Variants in MEF2A observed in about 807,000 individuals in gnomAD.
MEF2A encodes the protein myocyte enhancer factor 2A, also known as myocyte-specific enhancer factor 2A.
Under a neutral mutation model 55.8 loss-of-function variants are expected in MEF2A, and 28 were observed. That is an observed-to-expected ratio of 0.50 (90% CI 0.37 to 0.69). The LOEUF (loss-of-function observed/expected upper bound fraction) is 0.69, where lower values mean the gene tolerates loss of function less well. Ranked by LOEUF, MEF2A falls within the 30% of genes least tolerant of loss-of-function variation. The probability of loss-of-function intolerance (pLI) is 0.00; values close to 1 mark genes in which losing one functional copy is unlikely to be tolerated. For synonymous variants in MEF2A, 239 were observed against 227.1 expected, an observed-to-expected ratio of 1.05 and a Z score of -0.47; for missense variants, 528 against 626.2, an observed-to-expected ratio of 0.84 and a Z score of 1.67.
chr15:99,661,110 A>G (rs1158000676), intron 4 of MEF2A, among the ~76,000 whole-genome samples: 2 of 152,202 alleles, frequency 1.3e-5, no homozygotes, highest in Non-Finnish European at 2.9e-5. Flanking sequence ...TACTTAATAT[A>G]TGATAGAGTG....
chr15:99,600,399 A>G (rs1400576369), intron 2 of MEF2A, among the ~76,000 whole-genome samples: 1 of 152,084 alleles, frequency 6.6e-6, no homozygotes, highest in Non-Finnish European at 1.5e-5. Flanking sequence ...TTTCTTTTTG[A>G]ATAGATTCGT....
chr15:99,570,088 A>G (rs1961500280), intron 1 of MEF2A, among the ~76,000 whole-genome samples: 1 of 152,030 alleles, frequency 6.6e-6, no homozygotes, highest in Non-Finnish European at 1.5e-5. Context: ...ATTATTAATT[A>G]TCTTAGTCGA....
At chr15:99,645,525 T>C (rs1244460067) in intron 3 of MEF2A, 36 bp from the exon 4 acceptor site, 2 of 1,471,796 alleles carry the variant, frequency 1.4e-6, no homozygotes, top group East Asian at 2.3e-5. Context: ...GTACTACTAA[T>C]GCTTTTAATA....
chr15:99,627,916 C>T (rs2042300758), intron 2 of MEF2A, among the ~76,000 whole-genome samples: 1 of 152,122 alleles, frequency 6.6e-6, no homozygotes, highest in Non-Finnish European at 1.5e-5. Context: ...CATTTTACAT[C>T]CCTTAGCCAT....
intron 11 of MEF2A, 78 bp downstream of exon 11, chr15:99,710,838 C>A: frequency 6.7e-7 from 1 of 1,498,526 alleles, no homozygotes; most frequent in Non-Finnish European, 9.0e-7. Flanking sequence ...CAGCCTTTTG[C>A]TCTGTTGAGT....
chr15:99,568,584 G>C (rs1419073067), intron 1 of MEF2A, among the ~76,000 whole-genome samples: 1 of 152,178 alleles, frequency 6.6e-6, no homozygotes, highest in African/African-American at 2.4e-5. Context: ...TGATTTTGGA[G>C]TTTGAAATAG....
chr15:99,603,830 G>T (rs952830096), intron 2 of MEF2A, among the ~76,000 whole-genome samples: 3 of 152,042 alleles, frequency 2.0e-5, no homozygotes, highest in South Asian at 2.1e-4. Flanking sequence ...TTTTCTGTTT[G>T]TTTCAATAAT....
chr15:99,593,078 C>G (rs1312523821), intron 1 of MEF2A, among the ~76,000 whole-genome samples: 1 of 152,098 alleles, frequency 6.6e-6, no homozygotes, highest in Non-Finnish European at 1.5e-5. Flanking sequence ...AAAATTAAAA[C>G]TTACATTTTA....
intron 9 of MEF2A, among the ~76,000 whole-genome samples, chr15:99,705,956 G>A (rs545286463): frequency 3.3e-5 from 5 of 152,160 alleles, no homozygotes; most frequent in South Asian, 2.1e-4. Context: ...TGCTTCTGTC[G>A]TACTCCTACA....
chr15:99,650,320 G>A (rs2046642046), intron 4 of MEF2A, among the ~76,000 whole-genome samples: 1 of 152,104 alleles, frequency 6.6e-6, no homozygotes, highest in Non-Finnish European at 1.5e-5. Flanking sequence ...GAGCTCTGGA[G>A]CATTTTACCG....
At chr15:99,608,385 A>G (rs1043962824) in intron 2 of MEF2A, among the ~76,000 whole-genome samples, 9 of 152,224 alleles carry the variant, frequency 5.9e-5, no homozygotes, top group East Asian at 3.8e-4. Context: ...TTATTTTTCA[A>G]CATTCAGCTT....
At chr15:99,648,313 A>G (rs2046313068) in intron 4 of MEF2A, among the ~76,000 whole-genome samples, 3 of 152,116 alleles carry the variant, frequency 2.0e-5, no homozygotes, top group Non-Finnish European at 4.4e-5. Flanking sequence ...TCTTATTTAG[A>G]GATTCCTAAT....
intron 5 of MEF2A, chr15:99,671,740 G>A: frequency 1.5e-6 from 2 of 1,332,104 alleles, no homozygotes; most frequent in Non-Finnish European, 2.0e-6. Flanking sequence ...TTTATAGTGG[G>A]TGATGACAAC....
intron 11 of MEF2A, among the ~76,000 whole-genome samples, chr15:99,711,349 C>G (rs2058622852): frequency 6.6e-6 from 1 of 152,214 alleles, no homozygotes; most frequent in South Asian, 2.1e-4. Flanking sequence ...CAGCCCAATG[C>G]ACACACCAAA....
At chr15:99,694,852 G>T (rs1050424217) in intron 8 of MEF2A, among the ~76,000 whole-genome samples, 1 of 152,008 alleles carries the variant, frequency 6.6e-6, no homozygotes, top group Non-Finnish European at 1.5e-5. Context: ...ATATGGACTC[G>T]TGGGCATTTA....
intron 2 of MEF2A, among the ~76,000 whole-genome samples, chr15:99,610,603 A>C (rs1976887293): frequency 6.6e-6 from 1 of 152,198 alleles, no homozygotes; most frequent in African/African-American, 2.4e-5. Context: ...AAGGATAAAC[A>C]GATCAATGGG....
At chr15:99,657,093 T>C (rs2047864121) in intron 4 of MEF2A, among the ~76,000 whole-genome samples, 1 of 152,114 alleles carries the variant, frequency 6.6e-6, no homozygotes, top group African/African-American at 2.4e-5. Context: ...CTTAGCATAA[T>C]GTTTTCAAGG....
chr15:99,620,581 T>G (rs2040980228), intron 2 of MEF2A, among the ~76,000 whole-genome samples: 1 of 152,216 alleles, frequency 6.6e-6, no homozygotes, highest in Non-Finnish European at 1.5e-5. Flanking sequence ...CTTTATCCAT[T>G]CCACTGTTGT....
chr15:99,691,463 C>G (rs2055440963), intron 8 of MEF2A, among the ~76,000 whole-genome samples: 2 of 152,046 alleles, frequency 1.3e-5, no homozygotes, highest in Admixed American at 1.3e-4. Flanking sequence ...TTTGGGATGC[C>G]AGGGCGGGCG....
Sources: gnomAD v4.1 joint callset for allele counts (sites outside exome capture counted in the v4.1 genomes callset) on GRCh38, gnomAD v4.1.1 for gene constraint, MANE v1.5 for transcripts, NCBI Gene and HGNC (gene_info 2026-07-23, HGNC 2026-07-21) for gene names.